The following ASIC2 variants were observed in gnomAD, a reference collection of about 807,000 sequenced individuals.
ASIC2 encodes acid-sensing ion channel 2.
ASIC2 carries 25 observed loss-of-function variants against 57.3 expected under a neutral mutation model. The observed-to-expected ratio is 0.44, with a 90% CI of 0.32 to 0.61. The LOEUF (loss-of-function observed/expected upper bound fraction) is 0.61. Among genes scored for constraint, ASIC2 ranks in the 20% least tolerant of loss-of-function variants. The probability of loss-of-function intolerance (pLI) is 0.06; values close to 1 mark genes in which losing one functional copy is unlikely to be tolerated. For missense variants in ASIC2, 641 were observed against 738.1 expected (o/e 0.87, Z 1.52); for synonymous variants, 319 against 307.5 (o/e 1.04, Z -0.39).
chr17:33,472,341 G>A (rs566279239), intron 1 of ASIC2, among the ~76,000 whole-genome samples: 2 of 152,058 alleles, frequency 1.3e-5, no homozygotes, highest in South Asian at 4.2e-4. Flanking sequence ...TTTTTAACAG[G>A]GATTGCTTGC....
chr17:33,069,501 T>G (rs752056210), intron 3 of ASIC2, among the ~76,000 whole-genome samples: 2 of 152,218 alleles, frequency 1.3e-5, no homozygotes, highest in Non-Finnish European at 2.9e-5. Flanking sequence ...TTTTGCTTTC[T>G]GTATTTTGAA....
chr17:33,178,757 C>G (rs2142056558), intron 1 of ASIC2, among the ~76,000 whole-genome samples: 1 of 152,332 alleles, frequency 6.6e-6, no homozygotes, highest in Admixed American at 6.5e-5. Flanking sequence ...GACAGCCCAA[C>G]AGAGGAGGGC....
intron 1 of ASIC2, among the ~76,000 whole-genome samples, chr17:34,064,551 T>A (rs1481775943): frequency 2.0e-5 from 3 of 152,176 alleles, no homozygotes; most frequent in African/African-American, 7.2e-5. Context: ...AAAGAGCTTT[T>A]TTTTTACAGC....
intron 1 of ASIC2, among the ~76,000 whole-genome samples, chr17:33,958,412 G>T (rs563614573): frequency 1.3e-5 from 2 of 152,286 alleles, no homozygotes; most frequent in African/African-American, 4.8e-5. Flanking sequence ...GCACACCTCT[G>T]CCTGGACATC....
intron 1 of ASIC2, among the ~76,000 whole-genome samples, chr17:34,029,240 G>T (rs1428918855): frequency 6.6e-6 from 1 of 151,974 alleles, no homozygotes; most frequent in African/African-American, 2.4e-5. Flanking sequence ...AAGTAGATAG[G>T]CTCTGTGAAG....
At chr17:33,703,971 A>G (rs1908786316) in intron 1 of ASIC2, among the ~76,000 whole-genome samples, 1 of 152,016 alleles carries the variant, frequency 6.6e-6, no homozygotes, top group African/African-American at 2.4e-5. Context: ...AGTACCTCCA[A>G]CTTTCCCACT....
At chr17:33,075,332 C>A (rs1275628449) in intron 3 of ASIC2, among the ~76,000 whole-genome samples, 1 of 152,086 alleles carries the variant, frequency 6.6e-6, no homozygotes, top group East Asian at 1.9e-4. Flanking sequence ...TCCCTTAAAC[C>A]TTTTTCTTTA....
intron 3 of ASIC2, among the ~76,000 whole-genome samples, chr17:33,077,550 G>A (rs1206307975): frequency 6.6e-6 from 1 of 152,178 alleles, no homozygotes; most frequent in Non-Finnish European, 1.5e-5. Context: ...GAGGGAGAGA[G>A]AGAGGGAGAG....
chr17:33,978,564 C>T (rs890742286), intron 1 of ASIC2, among the ~76,000 whole-genome samples: 2 of 152,258 alleles, frequency 1.3e-5, no homozygotes, highest in African/African-American at 4.8e-5. Context: ...TCACAGCCAG[C>T]TAAAGGATGG....
At position 33,481,057 on chromosome 17, in the gene ASIC2, T is replaced by C. The variant is rs540548343; in HGVS notation, c.556-368990A>G. Among the ~76,000 whole-genome samples the C allele has an allele frequency of 1.2e-4, 18 of 152,278 alleles. No individual in the cohort carries two copies. In the East Asian group the frequency reaches 3.1e-3, roughly 26 times the overall value. Reference sequence around the variant, plus strand: ...CTAGTCATCATCAGCCACCAACCTTTCCTTGTTCTTGTCTTCATCTCTCTT... The same window carrying C: ...CTAGTCATCATCAGCCACCAACCTTCCCTTGTTCTTGTCTTCATCTCTCTT... On this transcript the variant is annotated intron_variant, in intron 1 of 9. Coordinates refer to the ASIC2 transcript ENST00000359872.
At chr17:33,195,718 C>T (rs557107241) in intron 1 of ASIC2, among the ~76,000 whole-genome samples, 66 of 152,258 alleles carry the variant, frequency 4.3e-4, no homozygotes, top group Non-Finnish European at 9.3e-4. Flanking sequence ...AACTGAGGAT[C>T]AGAAGGCCAA....
chr17:33,945,119 C>T (rs1904332205), intron 1 of ASIC2, among the ~76,000 whole-genome samples: 1 of 152,210 alleles, frequency 6.6e-6, no homozygotes, highest in South Asian at 2.1e-4. Context: ...GGGGCAGCAG[C>T]TTGGCTTGAA....
chr17:33,776,132 CAAAA>C (rs35541526), intron 1 of ASIC2, among the ~76,000 whole-genome samples: 32,771 of 127,448 alleles, frequency 0.26, 3,972 homozygotes, highest in African/African-American at 0.34. Context: ...GACTCTGTCT[CAAAA>C]AAAAAAAAAA....
At chr17:34,135,712 A>G (rs1454654469) in intron 1 of ASIC2, among the ~76,000 whole-genome samples, 1 of 152,150 alleles carries the variant, frequency 6.6e-6, no homozygotes, top group Non-Finnish European at 1.5e-5. Flanking sequence ...ATTCACATCA[A>G]GGACTTGCAC....
intron 1 of ASIC2, among the ~76,000 whole-genome samples, chr17:33,340,397 T>G (rs1442179761): frequency 6.6e-6 from 1 of 152,184 alleles, no homozygotes; most frequent in Non-Finnish European, 1.5e-5. Flanking sequence ...AAGTTCTTAA[T>G]TAACTACAAA....
intron 1 of ASIC2, among the ~76,000 whole-genome samples, chr17:33,476,179 CTATGGTA>C (rs1020636703): frequency 1.3e-5 from 2 of 152,126 alleles, no homozygotes; most frequent in Non-Finnish European, 2.9e-5. Context: ...ACCGGAGGAC[CTATGGTA>C]TATCATGCCA....
chr17:33,904,547 G>T (rs916145949), intron 1 of ASIC2, among the ~76,000 whole-genome samples: 1 of 152,192 alleles, frequency 6.6e-6, no homozygotes, highest in African/African-American at 2.4e-5. Context: ...ATGCAACTAA[G>T]GTCGAGAACC....
intron 1 of ASIC2, among the ~76,000 whole-genome samples, chr17:33,687,041 A>G (rs1281958400): frequency 2.6e-5 from 4 of 152,180 alleles, no homozygotes; most frequent in Non-Finnish European, 5.9e-5. Flanking sequence ...CAGTTTTTCT[A>G]TTGACTGTGT....
chr17:33,294,323 T>TG (rs1905633452), upstream of ASIC2, among the ~76,000 whole-genome samples: 5 of 152,020 alleles, frequency 3.3e-5, no homozygotes, highest in Admixed American at 3.3e-4. Context: ...GTGTATCCTT[T>TG]GGGGAGAGGA....
Sources: allele counts gnomAD v4.1 joint callset (sites outside exome capture counted in the v4.1 genomes callset), GRCh38; gene constraint gnomAD v4.1.1; transcripts MANE v1.5; gene names NCBI Gene and HGNC (gene_info 2026-07-23, HGNC 2026-07-21).